The following WASF2 variants were observed in gnomAD, a reference collection of about 807,000 sequenced individuals.
WASF2 encodes the protein actin-binding protein WASF2.
WASF2 carries 14 observed loss-of-function variants against 45.0 expected under a neutral mutation model. That is an observed-to-expected ratio of 0.31 (90% confidence interval 0.21 to 0.49). The LOEUF (loss-of-function observed/expected upper bound fraction) is 0.49. WASF2 is among the 20% of genes least tolerant of loss of function. The pLI is 0.99. For missense variants in WASF2, 439 were observed against 636.1 expected, an observed-to-expected ratio of 0.69 and a Z score of 3.33; for synonymous variants, 200 against 236.3, an observed-to-expected ratio of 0.85 and a Z score of 1.41.
chr1:27,479,285 CAA>C (rs58480366), intron 1 of WASF2, among the ~76,000 whole-genome samples: 19 of 139,134 alleles, frequency 1.4e-4, no homozygotes, highest in Admixed American at 3.7e-4. Flanking sequence ...GACTCCATCT[CAA>C]AAAAAAAAAA....
At chr1:27,435,821 A>G (rs2017129979) in intron 1 of WASF2, among the ~76,000 whole-genome samples, 1 of 152,236 alleles carries the variant, frequency 6.6e-6, no homozygotes, top group Admixed American at 6.5e-5. Context: ...GTTCATGACA[A>G]ATAAACAATG....
At chr1:27,428,709 A>C in intron 2 of WASF2, 52 bp downstream of exon 2, 1 of 1,613,570 alleles carries the variant, frequency 6.2e-7, no homozygotes, top group African/African-American at 1.3e-5. Flanking sequence ...AAACTAAATA[A>C]AGAGCACCAA....
chr1:27,441,668 G>T (rs2017231789), intron 1 of WASF2, among the ~76,000 whole-genome samples: 1 of 150,172 alleles, frequency 6.7e-6, no homozygotes, highest in Non-Finnish European at 1.5e-5. Context: ...GCAGGAGAAT[G>T]GCGGGAACCT....
At chr1:27,481,186 C>A (rs2017844778) in intron 1 of WASF2, among the ~76,000 whole-genome samples, 1 of 150,864 alleles carries the variant, frequency 6.6e-6, no homozygotes, top group Admixed American at 6.6e-5. Flanking sequence ...CGCCTGTAGT[C>A]CCAGCTACTC....
At chr1:27,487,539 TAATA>T (rs1432120321) in intron 1 of WASF2, among the ~76,000 whole-genome samples, 2 of 107,326 alleles carry the variant, frequency 1.9e-5, no homozygotes, top group Non-Finnish European at 3.5e-5. Context: ...ATACAATATA[TAATA>T]TATATTATAT....
chr1:27,458,618 A>G (rs1181268144), intron 1 of WASF2, among the ~76,000 whole-genome samples: 1 of 150,254 alleles, frequency 6.7e-6, no homozygotes, highest in African/African-American at 2.5e-5. Context: ...AACATGGTGA[A>G]AAACCGTCTA....
intron 1 of WASF2, among the ~76,000 whole-genome samples, chr1:27,478,275 CAAA>C (rs765416697): frequency 2.2e-4 from 11 of 49,942 alleles, no homozygotes; most frequent in East Asian, 5.9e-4. Context: ...AATAGCAAAG[CAAA>C]AAAAAAAAAA....
chr1:27,455,563 G>T lies in WASF2; in HGVS notation c.-43-26630C>A, dbSNP rs961739643. ...TTCACTAACTGACACGAACATACTT[G>T]TTTAGCCTCATCTCTGGCCACACCT... is the stretch of plus-strand genomic sequence containing the variant. On this transcript the variant is annotated intron_variant, in intron 1 of 8. Coordinates refer to ENST00000618852, the MANE Select transcript of WASF2 (RefSeq NM_006990.5). Among the ~76,000 whole-genome samples the T allele has an allele frequency of 2.0e-5, 3 of 152,160 alleles. No individual in the cohort carries two copies. The East Asian group carries it at 5.8e-4, about 29-fold the overall frequency.
At chr1:27,468,807 C>A (rs940200783) in intron 1 of WASF2, among the ~76,000 whole-genome samples, 14 of 151,660 alleles carry the variant, frequency 9.2e-5, no homozygotes, top group African/African-American at 2.9e-4. Flanking sequence ...TGGTGAAACC[C>A]CGTCTCTACT....
intron 1 of WASF2, among the ~76,000 whole-genome samples, chr1:27,447,647 G>A (rs1262299568): frequency 6.6e-6 from 1 of 152,152 alleles, no homozygotes; most frequent in Non-Finnish European, 1.5e-5. Flanking sequence ...AAACACTAAT[G>A]GATTCCGAAC....
At chr1:27,448,740 G>T (rs1274475574) in intron 1 of WASF2, among the ~76,000 whole-genome samples, 1 of 151,450 alleles carries the variant, frequency 6.6e-6, no homozygotes, top group African/African-American at 2.4e-5. Flanking sequence ...TACTCAGAAG[G>T]CTGAGGCAGG....
intron 1 of WASF2, among the ~76,000 whole-genome samples, chr1:27,436,169 GGT>G (rs2017135431): frequency 6.6e-6 from 1 of 152,182 alleles, no homozygotes; most frequent in Non-Finnish European, 1.5e-5. Context: ...AACATGGCTG[GGT>G]GTAGTGATTC....
rs1051096361 is a variant in WASF2, at chr1:27,405,432, G to A, written c.*2757C>T. 2.6e-5 allele frequency: 4 copies of A among 152,242 alleles called. No individual in the cohort carries two copies. Among genetic ancestry groups the A allele is most frequent in the African/African-American group, 9.7e-5 (4 of 41,440 alleles). 9.4% of individuals were successfully genotyped at this position (152,242 alleles called of 1,614,324 possible). A position where few individuals can be genotyped will look rare whatever the true frequency, so the allele number is the denominator to read the frequency against. On this transcript the variant is annotated 3_prime_UTR_variant, in exon 9 of 9. Coordinates refer to ENST00000618852, the MANE Select transcript of WASF2 (RefSeq NM_006990.5). The stretch of plus-strand genomic sequence containing the variant: ...GAACCAGGAAGGGAGGAGGCTCCTT[G>A]GCTTCGGCGCTTAGGAGTCCTTATG...
intron 1 of WASF2, among the ~76,000 whole-genome samples, chr1:27,457,570 T>C (rs1186907137): frequency 6.6e-6 from 1 of 151,676 alleles, no homozygotes; most frequent in Non-Finnish European, 1.5e-5. Context: ...AATGGAATAA[T>C]GGCAGAGTAT....
chr1:27,411,284 A>T (rs1306276844), intron 7 of WASF2, among the ~76,000 whole-genome samples: 1 of 152,288 alleles, frequency 6.6e-6, no homozygotes, highest in East Asian at 1.9e-4. Flanking sequence ...CGGAGAAAAC[A>T]GTGCAATCTG....
rs1481394430 is a variant in WASF2 at position 27,408,259 on chromosome 1, C to T, written c.1427G>A (p.Arg476His). The change falls in exon 9 of 9, where the codon CGC (arginine) becomes CAC (histidine). Residue 476 changes from arginine (R) to histidine (H), a missense_variant. Coordinates refer to ENST00000618852, the MANE Select transcript of WASF2 (RefSeq NM_006990.5). The stretch of plus-strand genomic sequence containing the variant: ...TGAGTCACTGTACTCAACAGCAATG[C>T]GACGAGACAAGATGGTGGCCACGTC... ...GNDVATILSRRIAVEYSDSED... is the reference protein window; with the variant it reads ...GNDVATILSRHIAVEYSDSED... 15 of 1,614,068 alleles carry T rather than the reference C, an allele frequency of 9.3e-6. No homozygotes were observed. Among genetic ancestry groups the T allele is most frequent in the East Asian group, 2.2e-5 (1 of 44,896 alleles).
At position 27,419,111 on chromosome 1, in the gene WASF2, G is replaced by A. The variant is rs371249923; in HGVS notation, c.131-23C>T. On this transcript the variant is annotated intron_variant, in intron 2 of 8. Coordinates refer to ENST00000618852, the MANE Select transcript of WASF2 (RefSeq NM_006990.5). ...TACCTGGAAAGAGCAAAGAAACCAA[G>A]TCACTAGTGCATAGAAGTAACGTAA... The A allele has an allele frequency of 2.5e-6, 4 of 1,612,544 alleles. No homozygotes were observed. In the African/African-American group the frequency reaches 5.3e-5, roughly 22 times the overall value.
chr1:27,420,404 A>G (rs1014655548), intron 2 of WASF2, among the ~76,000 whole-genome samples: 4 of 152,190 alleles, frequency 2.6e-5, no homozygotes. Context: ...ATTTGCAGCC[A>G]AAGAAACATA....
intron 1 of WASF2, among the ~76,000 whole-genome samples, chr1:27,476,900 A>G (rs1220623345): frequency 6.6e-6 from 1 of 152,196 alleles, no homozygotes; most frequent in African/African-American, 2.4e-5. Flanking sequence ...TGTAGACAAA[A>G]ATAAGGTAAT....
Sources: allele counts gnomAD v4.1 joint callset (sites outside exome capture counted in the v4.1 genomes callset), GRCh38; gene constraint gnomAD v4.1.1; transcripts MANE v1.5; gene names NCBI Gene and HGNC (gene_info 2026-07-23, HGNC 2026-07-21).